The following MAN1A1 variants were observed in gnomAD, a reference collection of about 807,000 sequenced individuals.
The protein encoded by MAN1A1 is mannosidase alpha class 1A member 1, also known as mannosyl-oligosaccharide 1,2-alpha-mannosidase IA.
Under a neutral mutation model 70.8 loss-of-function variants are expected in MAN1A1, and 29 were observed. That is an observed-to-expected ratio of 0.41 (90% CI 0.31 to 0.56). MAN1A1 has a LOEUF of 0.56. Among genes scored for constraint, MAN1A1 ranks in the 20% least tolerant of loss-of-function variants. The pLI, the probability that MAN1A1 is intolerant of heterozygous loss-of-function variation, is 0.29. For synonymous variants in MAN1A1, 349 were observed against 330.1 expected (o/e 1.06, Z -0.62); for missense variants, 747 against 841.3 (o/e 0.89, Z 1.39).
chr6:119,324,280 C>T (rs1773091444), intron 2 of MAN1A1, among the ~76,000 whole-genome samples: 1 of 152,172 alleles, frequency 6.6e-6, no homozygotes. Flanking sequence ...ATAACATTTT[C>T]TTTTCTATAG....
At chr6:119,185,662 C>T (rs536540356) in intron 11 of MAN1A1, among the ~76,000 whole-genome samples, 22 of 151,864 alleles carry the variant, frequency 1.4e-4, no homozygotes, top group Middle Eastern at 6.8e-3. Flanking sequence ...TTGCAAGCTC[C>T]GCCTCCTGGG....
chr6:119,238,310 T>C (rs1201610511), intron 6 of MAN1A1, among the ~76,000 whole-genome samples: 5 of 152,222 alleles, frequency 3.3e-5, no homozygotes, highest in African/African-American at 1.2e-4. Flanking sequence ...GGAAGACCTC[T>C]TGTAAAATTA....
At chr6:119,282,627 T>C (rs183785007) in intron 5 of MAN1A1, among the ~76,000 whole-genome samples, 1 of 152,118 alleles carries the variant, frequency 6.6e-6, no homozygotes, top group Admixed American at 6.5e-5. Context: ...CTATTCAGTA[T>C]TTTACATTCC....
intron 6 of MAN1A1, among the ~76,000 whole-genome samples, chr6:119,230,421 T>G (rs1774644723): frequency 6.6e-6 from 1 of 152,208 alleles, no homozygotes; most frequent in Admixed American, 6.5e-5. Flanking sequence ...CCTGCTGCTC[T>G]CTGCCCCAGG....
intron 6 of MAN1A1, among the ~76,000 whole-genome samples, chr6:119,224,224 C>G (rs76577737): frequency 0.028 from 4,254 of 152,250 alleles, 94 homozygotes; most frequent in Non-Finnish European, 0.045. Flanking sequence ...AGAGGGATAG[C>G]TACCTTTGAA....
intron 6 of MAN1A1, among the ~76,000 whole-genome samples, chr6:119,215,717 C>G (rs1312290841): frequency 6.6e-6 from 1 of 152,092 alleles, no homozygotes; most frequent in Non-Finnish European, 1.5e-5. Flanking sequence ...CTATTTTTCT[C>G]TTTACTCAAA....
At chr6:119,320,059 T>C (rs1772965532) in intron 2 of MAN1A1, among the ~76,000 whole-genome samples, 1 of 152,174 alleles carries the variant, frequency 6.6e-6, no homozygotes, top group Non-Finnish European at 1.5e-5. Context: ...GTGCAACCTC[T>C]GCCTCCTGGG....
intron 2 of MAN1A1, among the ~76,000 whole-genome samples, chr6:119,311,787 C>T (rs7741003): frequency 0.39 from 58,558 of 151,848 alleles, 11,777 homozygotes; most frequent in African/African-American, 0.41. Context: ...ATCAGAAGAC[C>T]TTGAAGGGCA....
intron 6 of MAN1A1, among the ~76,000 whole-genome samples, chr6:119,239,142 T>C (rs1364463725): frequency 6.6e-6 from 1 of 152,048 alleles, no homozygotes; most frequent in Non-Finnish European, 1.5e-5. Flanking sequence ...CCTCCCAAAG[T>C]GCTGGGATTA....
rs781162578 is a variant in MAN1A1 at position 119,189,848 on chromosome 6, G to A, written c.1362C>T (p.Ser454=). The change falls in exon 10 of 13, where the codon AGC becomes AGT. Residue 454 remains serine, a synonymous_variant. Transcript: ENST00000368468. ...IETHLIRKSS[S]GLTYIAEWKG... ...TCCACTCTGCGATATAAGTTAGTCC[G>A]CTGCTAGACTTGCGGATCAAATGAG... The A allele has an allele frequency of 1.2e-6, 2 of 1,613,912 alleles. No homozygotes were observed. The highest frequency in any genetic ancestry group is 2.2e-5 in the East Asian group (1 of 44,864).
chr6:119,192,553 A>G (rs960013750), intron 9 of MAN1A1, among the ~76,000 whole-genome samples: 1 of 152,062 alleles, frequency 6.6e-6, no homozygotes, highest in South Asian at 2.1e-4. Context: ...AATAACCCAG[A>G]CCTCTTGTTA....
intron 5 of MAN1A1, among the ~76,000 whole-genome samples, chr6:119,281,074 G>A (rs897519751): frequency 4.6e-5 from 7 of 152,212 alleles, no homozygotes; most frequent in Non-Finnish European, 7.3e-5. Context: ...GGAAGGCCGG[G>A]GAGAAGCCTA....
At chr6:119,216,896 G>A (rs1218578335) in intron 6 of MAN1A1, among the ~76,000 whole-genome samples, 1 of 152,184 alleles carries the variant, frequency 6.6e-6, no homozygotes, top group African/African-American at 2.4e-5. Context: ...CTGGTGCTCT[G>A]CCTAATTACA....
chr6:119,237,593 T>C (rs1038781370), intron 6 of MAN1A1, among the ~76,000 whole-genome samples: 7 of 152,160 alleles, frequency 4.6e-5, no homozygotes, highest in Admixed American at 4.6e-4. Flanking sequence ...AAATCAAACA[T>C]AGTGTGGATG....
intron 6 of MAN1A1, among the ~76,000 whole-genome samples, chr6:119,246,722 T>C (rs17588322): frequency 0.1 from 15,583 of 152,048 alleles, 976 homozygotes; most frequent in Non-Finnish European, 0.14. Context: ...TACCTATAAA[T>C]ACAAATTCTG....
intron 6 of MAN1A1, among the ~76,000 whole-genome samples, chr6:119,224,126 T>C (rs1272750445): frequency 2.6e-5 from 4 of 152,176 alleles, no homozygotes; most frequent in Non-Finnish European, 2.9e-5. Flanking sequence ...ACACTGGGTA[T>C]AATCTCTGCT....
At chr6:119,306,684 C>T (rs715373) in intron 3 of MAN1A1, among the ~76,000 whole-genome samples, 57,492 of 152,014 alleles carry the variant, frequency 0.38, 11,353 homozygotes, top group Non-Finnish European at 0.41. Flanking sequence ...TTTAAAGTTA[C>T]GCAGGTTATT....
intron 2 of MAN1A1, among the ~76,000 whole-genome samples, chr6:119,317,015 G>A (rs1772872285): frequency 6.6e-6 from 1 of 151,232 alleles, no homozygotes; most frequent in Admixed American, 6.6e-5. Flanking sequence ...TTAGCAAGAG[G>A]AGAATTGTAG....
intron 9 of MAN1A1, among the ~76,000 whole-genome samples, 171 bp downstream of exon 9, chr6:119,193,606 A>T (rs1237332133): frequency 6.6e-6 from 1 of 152,230 alleles, no homozygotes; most frequent in Non-Finnish European, 1.5e-5. Context: ...AGAAATAAAC[A>T]TCAAATATGA....
Sources: allele counts gnomAD v4.1 joint callset (sites outside exome capture counted in the v4.1 genomes callset), GRCh38; gene constraint gnomAD v4.1.1; transcripts MANE v1.5; gene names NCBI Gene and HGNC (gene_info 2026-07-23, HGNC 2026-07-21).